The following SGCG variants were observed in gnomAD, a reference collection of about 807,000 sequenced individuals.
The protein encoded by SGCG is sarcoglycan gamma.
In SGCG, 26 loss-of-function variants were observed where a neutral mutation model predicts 29.3. The observed-to-expected ratio is 0.89, with a 90% CI of 0.65 to 1.23. SGCG has a LOEUF of 1.23. Among genes scored for constraint, SGCG ranks in the 50% most tolerant of loss-of-function variants. SGCG has a pLI of 0.00. For missense variants in SGCG, 353 were observed against 356.0 expected, an observed-to-expected ratio of 0.99 and a Z score of 0.07; for synonymous variants, 145 against 129.7, an observed-to-expected ratio of 1.12 and a Z score of -0.80.
At chr13:23,276,991 T>C (rs1187112645) in intron 4 of SGCG, among the ~76,000 whole-genome samples, 2 of 152,246 alleles carry the variant, frequency 1.3e-5, no homozygotes, top group African/African-American at 4.8e-5. Context: ...ATAAAAAGCA[T>C]GCAATAGATT....
intron 3 of SGCG, among the ~76,000 whole-genome samples, chr13:23,248,969 C>T (rs1879845815): frequency 3.7e-5 from 5 of 134,756 alleles, no homozygotes; most frequent in South Asian, 2.4e-4. Flanking sequence ...CCAGCCTGGG[C>T]GACAGAGCCA....
chr13:23,319,881 C>T (rs1221094270), intron 6 of SGCG, among the ~76,000 whole-genome samples: 1 of 152,152 alleles, frequency 6.6e-6, no homozygotes, highest in African/African-American at 2.4e-5. Flanking sequence ...TCCTCTGGCT[C>T]TTATATTTTT....
intron 5 of SGCG, among the ~76,000 whole-genome samples, chr13:23,293,852 G>A (rs1048238057): frequency 7.3e-5 from 11 of 150,396 alleles, no homozygotes; most frequent in Admixed American, 1.3e-4. Context: ...AAAAAAATTA[G>A]TAAGGGCTGC....
chr13:23,161,619 A>G, the SGCG span, among the ~76,000 whole-genome samples: 54 of 152,356 alleles, frequency 3.5e-4, no homozygotes, highest in South Asian at 0.011. Context: ...TTCCAAAAGT[A>G]CACATAAGCT....
the SGCG span, among the ~76,000 whole-genome samples, chr13:23,175,781 C>T: frequency 6.6e-6 from 1 of 151,892 alleles, no homozygotes; most frequent in Admixed American, 6.6e-5. Flanking sequence ...ATTTAGTAGT[C>T]TAATGATCAA....
In SGCG at chr13:23,320,750, G is replaced by T; in HGVS notation, c.692G>T (p.Ser231Ile). ...LSQMDILFHS[S>I]DGMLVLDAET... Reference sequence around the variant, plus strand: ...CAAATGGATATTCTTTTTCATAGTAGTGATGGAATGGTGAGTTCATTCACA... The same window carrying T: ...CAAATGGATATTCTTTTTCATAGTATTGATGGAATGGTGAGTTCATTCACA... Residue 231 changes from serine to isoleucine, a missense_variant, in exon 7 of 8, where the codon AGT becomes ATT. Ser to Ile is a moderately radical substitution (Grantham distance 142, BLOSUM62 -2). Transcript: ENST00000218867. 1.9e-6 allele frequency: 3 copies of T among 1,613,630 alleles called. No individual in the cohort carries two copies. The highest frequency in any genetic ancestry group is 1.7e-6 in the Non-Finnish European group (2 of 1,179,724).
At chr13:23,290,669 A>T (rs966317884) in intron 5 of SGCG, among the ~76,000 whole-genome samples, 3 of 152,188 alleles carry the variant, frequency 2.0e-5, no homozygotes, top group African/African-American at 7.2e-5. Flanking sequence ...AGAGAAATGG[A>T]ATTTTTTTGG....
intron 1 of SGCG, among the ~76,000 whole-genome samples, chr13:23,198,324 T>A (rs935490935): frequency 6.6e-6 from 1 of 152,234 alleles, no homozygotes; most frequent in Admixed American, 6.5e-5. Flanking sequence ...GAAGACACTA[T>A]GTTCGATTCA....
In SGCG at chr13:23,310,366, G is replaced by C. The variant is rs370581239; in HGVS notation, c.579-10271G>C. On this transcript the variant is annotated intron_variant, in intron 6 of 7. Coordinates refer to ENST00000218867, the MANE Select transcript of SGCG (RefSeq NM_000231.3). Reference sequence around the variant, plus strand: ...CTCCCAAAGTGCTGGGATTACAGGCGTGAGCCACCGCGCCGGGCCTGAATT... The same window carrying C: ...CTCCCAAAGTGCTGGGATTACAGGCCTGAGCCACCGCGCCGGGCCTGAATT... Among the ~76,000 whole-genome samples the C allele has an allele frequency of 2.6e-5, 4 of 152,056 alleles. No individual in the cohort carries two copies. The East Asian group carries it at 5.8e-4, about 22-fold the overall frequency.
intron 4 of SGCG, among the ~76,000 whole-genome samples, chr13:23,263,125 A>G (rs1880508238): frequency 1.3e-5 from 2 of 151,546 alleles, no homozygotes; most frequent in Non-Finnish European, 2.9e-5. Flanking sequence ...ACCCAAAGCT[A>G]CCATAGGAAA....
chr13:23,321,574 T>C (rs522561), intron 7 of SGCG, among the ~76,000 whole-genome samples: 130,645 of 152,208 alleles, frequency 0.86, 56,976 homozygotes, highest in Middle Eastern at 0.97. Context: ...ACCGTGGAGA[T>C]GGCTCCTCAG....
intron 5 of SGCG, among the ~76,000 whole-genome samples, chr13:23,293,869 G>A (rs1056132722): frequency 6.6e-5 from 10 of 151,456 alleles, no homozygotes; most frequent in Non-Finnish European, 1.5e-4. Context: ...CTGCTCAAAA[G>A]ATCTTTTGCC....
chr13:23,280,994 A>C (rs1160613032), intron 5 of SGCG, among the ~76,000 whole-genome samples: 2 of 152,156 alleles, frequency 1.3e-5, no homozygotes, highest in Non-Finnish European at 2.9e-5. Flanking sequence ...TGTATTATTT[A>C]TTACCTGTAT....
In SGCG at chr13:23,215,474, C is replaced by T. The variant is rs79778483; in HGVS notation, c.195+11585C>T. Among the ~76,000 whole-genome samples, 573 of 152,184 alleles carry T rather than the reference C, an allele frequency of 3.8e-3. 3 individuals are homozygous for T. Among genetic ancestry groups the T allele is most frequent in the Middle Eastern group, 6.8e-3 (2 of 294 alleles). On this transcript the variant is annotated intron_variant, in intron 2 of 7. Transcript: ENST00000218867. ...TAGGATTCAGACTGGGTAAGGGTCT[C>T]GGTTTTAATTAGGATTATGTTCAAT...
intron 5 of SGCG, among the ~76,000 whole-genome samples, chr13:23,283,062 G>A (rs1881366522): frequency 6.6e-6 from 1 of 152,226 alleles, no homozygotes; most frequent in African/African-American, 2.4e-5. Flanking sequence ...TGGAATTAGT[G>A]TGATGTGGTG....
At chr13:23,179,347 T>C (rs1034275668), upstream of SGCG, among the ~76,000 whole-genome samples, 2 of 152,192 alleles carry the variant, frequency 1.3e-5, no homozygotes, top group Non-Finnish European at 2.9e-5. Context: ...TCTGTAAATA[T>C]GAGTGGGGAT....
chr13:23,194,803 A>T, intron 1 of SGCG, among the ~76,000 whole-genome samples: 1 of 152,208 alleles, frequency 6.6e-6, no homozygotes, highest in South Asian at 2.1e-4. Context: ...GGAGCTGAGG[A>T]GTGTTCTAGG....
intron 3 of SGCG, among the ~76,000 whole-genome samples, chr13:23,249,092 CA>C (rs1198716048): frequency 6.6e-6 from 1 of 151,682 alleles, no homozygotes; most frequent in Non-Finnish European, 1.5e-5. Flanking sequence ...TAAAATCTTG[CA>C]ATGCAAATGT....
chr13:23,265,080 T>TA (rs1375174709), intron 4 of SGCG, among the ~76,000 whole-genome samples: 2 of 151,914 alleles, frequency 1.3e-5, no homozygotes. Context: ...CTAATTAAAC[T>TA]AAAAAACTTC....
Sources: allele counts gnomAD v4.1 joint callset (sites outside exome capture counted in the v4.1 genomes callset), GRCh38; gene constraint gnomAD v4.1.1; transcripts MANE v1.5; gene names NCBI Gene and HGNC (gene_info 2026-07-23, HGNC 2026-07-21).